IGSF21: variants seen among roughly 807,000 people sequenced by gnomAD.
The protein encoded by IGSF21 is immunoglobin superfamily member 21, also known as immunoglobulin superfamily member 21.
A neutral mutation model predicts 46.8 loss-of-function variants in IGSF21; 28 were observed. The ratio of observed to expected loss-of-function variants is 0.60; its 90% CI spans 0.44 to 0.82. The LOEUF (loss-of-function observed/expected upper bound fraction) is 0.82, where lower values mean the gene tolerates loss of function less well. Ranked by LOEUF, IGSF21 falls within the 40% of genes least tolerant of loss-of-function variation. The pLI is 0.00. For synonymous variants in IGSF21, 284 were observed against 273.6 expected (o/e 1.04, Z -0.38); for missense variants, 624 against 665.5 (o/e 0.94, Z 0.69).
At chr1:18,164,646 T>C (rs1004430908) in intron 1 of IGSF21, among the ~76,000 whole-genome samples, 22 of 152,288 alleles carry the variant, frequency 1.4e-4, no homozygotes, top group African/African-American at 4.8e-4. Flanking sequence ...TTTTCATATA[T>C]TGATGGGCAA....
At position 18,199,679 on chromosome 1, in the gene IGSF21, C is replaced by G. The variant is rs113518847; in HGVS notation, c.71-28219C>G. On this transcript the variant is annotated intron_variant, in intron 1 of 9. Transcript: ENST00000251296. ...TGAGCAGGTGGCAGCCCCCCTCCCC[C>G]TTCCCTGGTCTCCCTCCCTCCCTAT... Among the ~76,000 whole-genome samples the G allele has an allele frequency of 7.3e-3, 1,119 of 152,262 alleles. 5 individuals carry two copies. The highest frequency in any genetic ancestry group is 0.01 in the Non-Finnish European group (697 of 68,006).
rs866152713 is a variant in IGSF21, at chr1:18,126,962, T to A, written c.70+18764T>A. The stretch of plus-strand genomic sequence containing the variant: ...GATAATCCTGCCTGGTGTTCACACA[T>A]CCCATTAGATGCCCCTCACCCTGCA... On this transcript the variant is annotated intron_variant, in intron 1 of 9. Coordinates refer to ENST00000251296, the MANE Select transcript of IGSF21 (RefSeq NM_032880.5). Among the ~76,000 whole-genome samples, 13 of 152,218 alleles carry A rather than the reference T, an allele frequency of 8.5e-5. No homozygotes were observed. In the South Asian group the frequency reaches 2.5e-3, roughly 29 times the overall value.
At chr1:18,364,568 A>C (rs530972103) in intron 5 of IGSF21, among the ~76,000 whole-genome samples, 23 of 152,140 alleles carry the variant, frequency 1.5e-4, no homozygotes, top group African/African-American at 5.5e-4. Context: ...CACATGTACC[A>C]AAATAAAAAG....
At chr1:18,352,151 T>C (rs1020606566) in intron 4 of IGSF21, among the ~76,000 whole-genome samples, 2 of 152,214 alleles carry the variant, frequency 1.3e-5, no homozygotes, top group Non-Finnish European at 2.9e-5. Context: ...GCCCCTCTGC[T>C]GAGGCCTGGG....
chr1:18,117,054 T>C (rs976252774), intron 1 of IGSF21, among the ~76,000 whole-genome samples: 8 of 152,052 alleles, frequency 5.3e-5, no homozygotes, highest in African/African-American at 1.9e-4. Flanking sequence ...AGGGGAATGG[T>C]TTAAAAGAGT....
At chr1:18,265,171 G>T (rs539467628) in intron 2 of IGSF21, among the ~76,000 whole-genome samples, 131 of 152,330 alleles carry the variant, frequency 8.6e-4, no homozygotes, top group African/African-American at 3.1e-3. Flanking sequence ...CTGGGTCGAT[G>T]GGAGGATATT....
chr1:18,329,593 C>A (rs1180948831), intron 3 of IGSF21, among the ~76,000 whole-genome samples: 5 of 152,178 alleles, frequency 3.3e-5, no homozygotes, highest in Non-Finnish European at 1.5e-5. Flanking sequence ...CTCCCAGAGA[C>A]AGATGCAGCC....
intron 1 of IGSF21, chr1:18,114,406 C>A (rs1358776215): frequency 1.3e-5 from 2 of 152,222 alleles, no homozygotes; most frequent in Non-Finnish European, 2.9e-5. Context: ...CTACCTCTGG[C>A]CTTGCGACAT....
chr1:18,177,398 T>TGGGGATGGGGTCAGTGAG (rs1553151728), intron 1 of IGSF21, among the ~76,000 whole-genome samples: 3 of 84,818 alleles, frequency 3.5e-5, no homozygotes, highest in African/African-American at 1.4e-4. Flanking sequence ...GTGAGGTGTG[T>TGGGGATGGGGTCAGTGAG]GTGTGTGTGT....
intron 3 of IGSF21, among the ~76,000 whole-genome samples, chr1:18,314,821 G>A (rs573496318): frequency 5.3e-5 from 8 of 152,282 alleles, no homozygotes; most frequent in African/African-American, 1.9e-4. Context: ...AAACCTGGTT[G>A]CAGGGAGGAG....
intron 1 of IGSF21, among the ~76,000 whole-genome samples, chr1:18,182,900 T>A (rs564567828): frequency 3.9e-5 from 6 of 152,156 alleles, no homozygotes; most frequent in Non-Finnish European, 8.8e-5. Flanking sequence ...CCCGCTGCCC[T>A]CATCTCTCGT....
chr1:18,125,586 T>A (rs1169937897), intron 1 of IGSF21, among the ~76,000 whole-genome samples: 1 of 152,216 alleles, frequency 6.6e-6, no homozygotes, highest in Non-Finnish European at 1.5e-5. Flanking sequence ...CTTTAGTGCA[T>A]CTATTGATTC....
chr1:18,139,652 T>C (rs2086397089), intron 1 of IGSF21, among the ~76,000 whole-genome samples: 1 of 152,182 alleles, frequency 6.6e-6, no homozygotes, highest in Non-Finnish European at 1.5e-5. Context: ...CCACAACGTG[T>C]TGGGTGTGTG....
intron 2 of IGSF21, among the ~76,000 whole-genome samples, chr1:18,239,828 T>C (rs991916971): frequency 1.3e-5 from 2 of 151,810 alleles, no homozygotes; most frequent in Admixed American, 6.6e-5. Context: ...TCAACTGCCA[T>C]GACCCAGGCT....
rs2086307529 is a variant in IGSF21, at chr1:18,378,330, C to T, written c.*4C>T. On this transcript the variant is annotated 3_prime_UTR_variant, in exon 10 of 10. Coordinates refer to ENST00000251296, the MANE Select transcript of IGSF21 (RefSeq NM_032880.5). ...AGTGATTCTGGAGCTGACGTGAAGG[C>T]ACCCGCCCCGGCCACTCCATCAGGC... is the stretch of plus-strand genomic sequence containing the variant. 1 of 1,609,414 alleles carries T rather than the reference C, an allele frequency of 6.2e-7. No individual in the cohort carries two copies. The highest frequency in any genetic ancestry group is 1.3e-5 in the African/African-American group (1 of 74,880).
chr1:18,327,469 T>G (rs1051175708), intron 3 of IGSF21, among the ~76,000 whole-genome samples: 1 of 152,136 alleles, frequency 6.6e-6, no homozygotes, highest in Non-Finnish European at 1.5e-5. Flanking sequence ...GAGGCTCTGT[T>G]TTAATGAAGA....
intron 4 of IGSF21, among the ~76,000 whole-genome samples, chr1:18,341,755 T>G (rs77450157): frequency 0.022 from 3,286 of 152,264 alleles, 111 homozygotes; most frequent in African/African-American, 0.073. Flanking sequence ...AGTTTACCAA[T>G]GAGTAGGAAG....
At chr1:18,270,467 G>T (rs997744204) in intron 2 of IGSF21, among the ~76,000 whole-genome samples, 1 of 152,180 alleles carries the variant, frequency 6.6e-6, no homozygotes, top group Non-Finnish European at 1.5e-5. Flanking sequence ...GGGCAGCCTC[G>T]GGCAAGAGGG....
At chr1:18,218,153 T>A (rs1365973806) in intron 1 of IGSF21, among the ~76,000 whole-genome samples, 1 of 152,176 alleles carries the variant, frequency 6.6e-6, no homozygotes, top group Non-Finnish European at 1.5e-5. Context: ...GAAGCATGGC[T>A]GGGAGGCCTT....
Sources: gnomAD v4.1 joint callset for allele counts (sites outside exome capture counted in the v4.1 genomes callset) on GRCh38, gnomAD v4.1.1 for gene constraint, MANE v1.5 for transcripts, NCBI Gene and HGNC (gene_info 2026-07-23, HGNC 2026-07-21) for gene names.